The following EML4 variants were observed in gnomAD, a reference collection of about 807,000 sequenced individuals.
The protein encoded by EML4 is EMAP like 4.
In EML4, 72 loss-of-function variants were observed where a neutral mutation model predicts 129.0. That is an observed-to-expected ratio of 0.56 (90% CI 0.46 to 0.68). The LOEUF is 0.68. Among genes scored for constraint, EML4 ranks in the 30% least tolerant of loss-of-function variants. The probability of loss-of-function intolerance (pLI) is 0.00; values close to 1 mark genes in which losing one functional copy is unlikely to be tolerated. For missense variants in EML4, 1,363 were observed against 1,190.6 expected (o/e 1.14, Z -2.13); for synonymous variants, 532 against 405.0 (o/e 1.31, Z -3.77).
chr2:42,299,336 C>G (rs1668143288), intron 13 of EML4, among the ~76,000 whole-genome samples: 1 of 152,104 alleles, frequency 6.6e-6, no homozygotes, highest in Admixed American at 6.5e-5. Flanking sequence ...AATAGCAGCT[C>G]AAATAGATGA....
At chr2:42,201,041 T>C (rs950419124) in intron 1 of EML4, among the ~76,000 whole-genome samples, 2 of 152,204 alleles carry the variant, frequency 1.3e-5, no homozygotes, top group African/African-American at 4.8e-5. Context: ...TATAGTACTT[T>C]TAAGTTCTTT....
chr2:42,274,433 G>C (rs1056795023), intron 6 of EML4, among the ~76,000 whole-genome samples: 1 of 152,006 alleles, frequency 6.6e-6, no homozygotes, highest in African/African-American at 2.4e-5. Context: ...CCTTTGAAAG[G>C]CTTTTTTTTT....
intron 6 of EML4, among the ~76,000 whole-genome samples, chr2:42,277,907 C>T (rs536725026): frequency 1.3e-5 from 2 of 152,324 alleles, no homozygotes; most frequent in South Asian, 4.1e-4. Context: ...TACTTGCAGA[C>T]ATTCAAGAAG....
At chr2:42,325,602 T>TTTATATATATATATATATATA (rs1286364147) in intron 20 of EML4, 48 bp downstream of exon 20, 1 of 124,280 alleles carries the variant, frequency 8.0e-6, no homozygotes, top group African/African-American at 3.0e-5. Flanking sequence ...ATGATTATAT[T>TTTATATATATATATATATATA]TATATATATA....
intron 16 of EML4, among the ~76,000 whole-genome samples, chr2:42,304,230 G>T (rs72972048): frequency 0.03 from 4,557 of 152,154 alleles, 243 homozygotes; most frequent in African/African-American, 0.1. Flanking sequence ...AGTGTTTGTT[G>T]TTATTATCCT....
chr2:42,215,460 A>G (rs956878739), intron 1 of EML4, among the ~76,000 whole-genome samples: 2 of 152,038 alleles, frequency 1.3e-5, no homozygotes, highest in African/African-American at 4.8e-5. Flanking sequence ...CTTCCAGGGT[A>G]CTCTGCAAAT....
intron 1 of EML4, among the ~76,000 whole-genome samples, chr2:42,202,251 G>GT (rs1424001746): frequency 2.0e-5 from 3 of 152,124 alleles, no homozygotes; most frequent in Non-Finnish European, 4.4e-5. Context: ...TAGTAATAAG[G>GT]TATTGTAGGC....
intron 17 of EML4, 138 bp from the exon 18 acceptor site, chr2:42,315,824 G>A: frequency 3.3e-6 from 2 of 612,806 alleles, no homozygotes; most frequent in East Asian, 5.6e-5. Context: ...TCAAGGCTGT[G>A]GTGAGCTAGG....
chr2:42,308,141 T>G (rs892207804), intron 17 of EML4, among the ~76,000 whole-genome samples: 2 of 152,250 alleles, frequency 1.3e-5, no homozygotes, highest in African/African-American at 2.4e-5. Context: ...TAAAATAATG[T>G]CTTATTAATG....
At chr2:42,224,447 AACATTTGATGG>A (rs1311449555) in intron 1 of EML4, among the ~76,000 whole-genome samples, 1 of 152,138 alleles carries the variant, frequency 6.6e-6, no homozygotes, top group African/African-American at 2.4e-5. Context: ...ATAACTGTTC[AACATTTGATGG>A]ACATTTGGGT....
intron 17 of EML4, among the ~76,000 whole-genome samples, chr2:42,309,020 T>C (rs1668777584): frequency 6.6e-6 from 1 of 152,242 alleles, no homozygotes; most frequent in Non-Finnish European, 1.5e-5. Flanking sequence ...ATAATGCTGC[T>C]ACATACATTC....
chr2:42,316,178 T>C (rs1669236179), intron 18 of EML4, 128 bp downstream of exon 18: 3 of 512,042 alleles, frequency 5.9e-6, no homozygotes, highest in Non-Finnish European at 1.0e-5. Context: ...TAAATCTGTT[T>C]CCCCCAACAT....
chr2:42,235,603 T>G (rs35435791), intron 1 of EML4, among the ~76,000 whole-genome samples: 1 of 152,056 alleles, frequency 6.6e-6, no homozygotes, highest in Non-Finnish European at 1.5e-5. Context: ...GCACAGTATC[T>G]CAGCATAAGT....
chr2:42,223,975 C>T (rs1381968371), intron 1 of EML4, among the ~76,000 whole-genome samples: 1 of 152,074 alleles, frequency 6.6e-6, no homozygotes, highest in Non-Finnish European at 1.5e-5. Context: ...TTTATACCTT[C>T]TGAGGGAATT....
At chr2:42,279,096 A>G (rs570765746) in intron 6 of EML4, among the ~76,000 whole-genome samples, 3 of 152,276 alleles carry the variant, frequency 2.0e-5, no homozygotes, top group East Asian at 3.9e-4. Flanking sequence ...TGAAAATCTC[A>G]GGGTATTATA....
intron 1 of EML4, among the ~76,000 whole-genome samples, chr2:42,242,034 A>G (rs536733307): frequency 3.3e-5 from 5 of 152,250 alleles, no homozygotes; most frequent in Non-Finnish European, 7.4e-5. Flanking sequence ...CTTTCTTGTC[A>G]CTATCCAAGT....
Position 42,282,815 on chromosome 2 carries a change from C to G in EML4, c.792-8C>G. The G allele has an allele frequency of 1.9e-6, 3 of 1,604,468 alleles. No homozygotes were observed. The highest frequency in any genetic ancestry group is 2.5e-6 in the Non-Finnish European group (3 of 1,176,782). On this transcript the variant is annotated splice_region_variant and splice_polypyrimidine_tract_variant and intron_variant, in intron 7 of 22. Transcript: ENST00000318522. Reference sequence around the variant, plus strand: ...TTTATTTAAAACCTTGACTCTTTTTCTGTTAAGATATGGTTATCGAGGAAA... The same window carrying G: ...TTTATTTAAAACCTTGACTCTTTTTGTGTTAAGATATGGTTATCGAGGAAA...
In EML4 at chr2:42,280,867, A is replaced by G. The variant is rs776040709; in HGVS notation, c.685A>G (p.Met229Val). 6.2e-7 allele frequency: 1 copy of G among 1,610,340 alleles called. No individual in the cohort carries two copies. The highest frequency in any genetic ancestry group is 8.5e-7 in the Non-Finnish European group (1 of 1,178,668). Residue 229 changes from methionine to valine, a missense_variant, in exon 7 of 23, where the codon ATG (methionine) becomes GTG (valine). Coordinates refer to ENST00000318522, the MANE Select transcript of EML4 (RefSeq NM_019063.5). ...IINQEGEYIK[M>V]FMRGRPITMF... is the part of the protein sequence containing the mutation. ...TTCAACAGAAGGAGAATATATTAAAATGTTTATGCGCGGTCGGCCAATTAC... is the reference window on the plus strand; with the variant it reads ...TTCAACAGAAGGAGAATATATTAAAGTGTTTATGCGCGGTCGGCCAATTAC...
intron 1 of EML4, among the ~76,000 whole-genome samples, chr2:42,187,685 A>G (rs1276927701): frequency 6.6e-6 from 1 of 152,044 alleles, no homozygotes; most frequent in Non-Finnish European, 1.5e-5. Flanking sequence ...TTAAAAAAAA[A>G]TGGTTGCCTT....
Sources: gnomAD v4.1 joint callset for allele counts (sites outside exome capture counted in the v4.1 genomes callset) on GRCh38, gnomAD v4.1.1 for gene constraint, MANE v1.5 for transcripts, NCBI Gene and HGNC (gene_info 2026-07-23, HGNC 2026-07-21) for gene names.